Variants in ARL15 observed in about 807,000 individuals in gnomAD.
The protein encoded by ARL15 is ADP-ribosylation factor-like protein 15.
ARL15 carries 19 observed loss-of-function variants against 25.2 expected under a neutral mutation model. That is an observed-to-expected ratio of 0.75 (90% CI 0.53 to 1.10). ARL15 has a LOEUF of 1.10. Ranked by LOEUF, ARL15 falls within the 50% of genes least tolerant of loss-of-function variation. ARL15 has a pLI of 0.00. For missense variants in ARL15, 220 were observed against 246.0 expected (o/e 0.89, Z 0.71); for synonymous variants, 94 against 86.8 (o/e 1.08, Z -0.46).
At chr5:53,920,274 AAT>A (rs770844604) in intron 4 of ARL15, among the ~76,000 whole-genome samples, 1 of 152,140 alleles carries the variant, frequency 6.6e-6, no homozygotes, top group Non-Finnish European at 1.5e-5. Flanking sequence ...GTTGGAGGGT[AAT>A]TGAAGACATG....
intron 4 of ARL15, among the ~76,000 whole-genome samples, chr5:53,976,364 A>G (rs1211073959): frequency 2.0e-5 from 3 of 152,206 alleles, no homozygotes; most frequent in African/African-American, 4.8e-5. Flanking sequence ...AAACTACAAC[A>G]TTTCACTGGG....
At chr5:54,275,320 C>T (rs1397643620) in intron 1 of ARL15, among the ~76,000 whole-genome samples, 1 of 152,144 alleles carries the variant, frequency 6.6e-6, no homozygotes, top group Non-Finnish European at 1.5e-5. Flanking sequence ...TTCTATATGC[C>T]CCCTTAGGAG....
chr5:54,092,397 T>C (rs910753079), intron 4 of ARL15, among the ~76,000 whole-genome samples: 3 of 152,182 alleles, frequency 2.0e-5, no homozygotes, highest in East Asian at 1.9e-4. Context: ...CACATACCTA[T>C]AGTTCTTAGA....
At chr5:53,914,164 C>CA (rs1554025982) in intron 4 of ARL15, among the ~76,000 whole-genome samples, 1 of 151,784 alleles carries the variant, frequency 6.6e-6, no homozygotes, top group African/African-American at 2.4e-5. Context: ...CACACACACA[C>CA]ACTTTATAGT....
At chr5:53,959,203 C>T (rs1318373098) in intron 4 of ARL15, among the ~76,000 whole-genome samples, 1 of 152,090 alleles carries the variant, frequency 6.6e-6, no homozygotes, top group African/African-American at 2.4e-5. Flanking sequence ...AAAATTATTA[C>T]AATTTTAAGT....
At chr5:54,154,209 T>TG (rs1754152109) in intron 3 of ARL15, among the ~76,000 whole-genome samples, 1 of 152,200 alleles carries the variant, frequency 6.6e-6, no homozygotes, top group Non-Finnish European at 1.5e-5. Context: ...ACCTGCAGTA[T>TG]AAACACAAAC....
At chr5:54,285,537 A>G (rs913939840) in intron 1 of ARL15, among the ~76,000 whole-genome samples, 8 of 152,220 alleles carry the variant, frequency 5.3e-5, no homozygotes, top group African/African-American at 1.7e-4. Flanking sequence ...TATACTTAAC[A>G]TAATTGACAG....
intron 3 of ARL15, among the ~76,000 whole-genome samples, chr5:54,120,776 A>G (rs1468832327): frequency 6.6e-6 from 1 of 152,212 alleles, no homozygotes; most frequent in Non-Finnish European, 1.5e-5. Context: ...CTTTGCTGCA[A>G]TTGACGTTGA....
intron 4 of ARL15, among the ~76,000 whole-genome samples, chr5:54,061,492 C>T (rs1238230676): frequency 1.3e-5 from 2 of 152,126 alleles, no homozygotes; most frequent in Non-Finnish European, 2.9e-5. Flanking sequence ...TGCCTGTAAT[C>T]CCAGCTACTT....
At chr5:54,049,689 C>T (rs1579738890) in intron 4 of ARL15, among the ~76,000 whole-genome samples, 2 of 152,072 alleles carry the variant, frequency 1.3e-5, no homozygotes, top group South Asian at 4.2e-4. Context: ...CAACCTCTGC[C>T]TCCCAGACTC....
intron 4 of ARL15, among the ~76,000 whole-genome samples, chr5:53,990,099 A>T (rs774705652): frequency 2.6e-5 from 4 of 152,048 alleles, no homozygotes; most frequent in Non-Finnish European, 5.9e-5. Flanking sequence ...ATGGTGGCAC[A>T]CGCCTGTGGT....
At chr5:53,982,340 C>A (rs1286714742) in intron 4 of ARL15, among the ~76,000 whole-genome samples, 1 of 146,862 alleles carries the variant, frequency 6.8e-6, no homozygotes, top group East Asian at 2.0e-4. Flanking sequence ...CCCCTACCCC[C>A]CCACCCCCTG....
chr5:53,991,718 C>G (rs28491265), intron 4 of ARL15, among the ~76,000 whole-genome samples: 23,860 of 151,864 alleles, frequency 0.16, 2,452 homozygotes, highest in African/African-American at 0.29. Flanking sequence ...ACCAAGTTAA[C>G]TTTCAGCAGA....
chr5:54,028,990 T>C (rs1458415619), intron 4 of ARL15, among the ~76,000 whole-genome samples: 1 of 151,628 alleles, frequency 6.6e-6, no homozygotes, highest in African/African-American at 2.4e-5. Context: ...GAGGACTACA[T>C]TGCACCCAAG....
chr5:54,038,767 AATC>A (rs1424216423), intron 4 of ARL15, among the ~76,000 whole-genome samples: 3 of 152,130 alleles, frequency 2.0e-5, no homozygotes. Flanking sequence ...AATAAGGGAC[AATC>A]AAATACTAAG....
intron 4 of ARL15, among the ~76,000 whole-genome samples, chr5:54,099,529 G>A (rs80275880): frequency 1.3e-5 from 2 of 152,042 alleles, no homozygotes; most frequent in Admixed American, 6.6e-5. Flanking sequence ...TTTACATTTG[G>A]AATTTATTCT....
At chr5:54,222,588 T>C (rs1756408262) in intron 1 of ARL15, among the ~76,000 whole-genome samples, 1 of 152,206 alleles carries the variant, frequency 6.6e-6, no homozygotes, top group East Asian at 1.9e-4. Context: ...TTAAATGGTA[T>C]GAAAGTATTT....
At chr5:53,989,055 G>T (rs1748394670) in intron 4 of ARL15, among the ~76,000 whole-genome samples, 1 of 152,116 alleles carries the variant, frequency 6.6e-6, no homozygotes, top group South Asian at 2.1e-4. Flanking sequence ...GATATAACAG[G>T]ATTTGGGGAG....
intron 4 of ARL15, among the ~76,000 whole-genome samples, chr5:54,061,702 T>C (rs1019819127): frequency 1.7e-4 from 26 of 152,202 alleles, no homozygotes; most frequent in African/African-American, 5.8e-4. Context: ...AGATAGAAGT[T>C]TGCTACAGGG....
Sources: allele counts gnomAD v4.1 joint callset (sites outside exome capture counted in the v4.1 genomes callset), GRCh38; gene constraint gnomAD v4.1.1; transcripts MANE v1.5; gene names NCBI Gene and HGNC (gene_info 2026-07-23, HGNC 2026-07-21).